The following TAPT1 variants were observed in gnomAD, a reference collection of about 807,000 sequenced individuals.
TAPT1 encodes transmembrane anterior posterior transformation 1.
TAPT1 carries 28 observed loss-of-function variants against 65.6 expected under a neutral mutation model. The observed-to-expected ratio is 0.43, with a 90% CI of 0.32 to 0.59. The LOEUF (loss-of-function observed/expected upper bound fraction) is 0.59. Among genes scored for constraint, TAPT1 ranks in the 20% least tolerant of loss-of-function variants. TAPT1 has a pLI of 0.09. For synonymous variants in TAPT1, 278 were observed against 245.2 expected, an observed-to-expected ratio of 1.13 and a Z score of -1.25; for missense variants, 563 against 679.9, an observed-to-expected ratio of 0.83 and a Z score of 1.91.
chr4:16,163,005 CA>C lies in TAPT1; in HGVS notation c.*302del, dbSNP rs1488593509. The C allele has an allele frequency of 2.0e-6, 1 of 497,546 alleles. No homozygotes were observed. Among genetic ancestry groups the C allele is most frequent in the Admixed American group, 2.3e-5 (1 of 43,784 alleles). 30.8% of individuals were successfully genotyped at this position (497,546 alleles called of 1,614,324 possible). On this transcript the variant is annotated 3_prime_UTR_variant, in exon 14 of 14. Transcript: ENST00000405303. ...ATTCTGGAAGCCCAGACTGACAAAGCAAAACAGATTTTGATGTTGCCTTTGT... is the reference window on the plus strand; with the variant it reads ...ATTCTGGAAGCCCAGACTGACAAAGCAAACAGATTTTGATGTTGCCTTTGT...
intron 1 of TAPT1, among the ~76,000 whole-genome samples, chr4:16,221,513 AT>A (rs1260146260): frequency 2.0e-5 from 3 of 152,204 alleles, no homozygotes; most frequent in Non-Finnish European, 2.9e-5. Context: ...CATAGTATAA[AT>A]TGCTTTTTCT....
intron 7 of TAPT1, among the ~76,000 whole-genome samples, chr4:16,181,082 T>A (rs1390239736): frequency 6.6e-6 from 1 of 152,222 alleles, no homozygotes. Flanking sequence ...TAAAGGAAAC[T>A]AAGAAAAGTC....
rs191948110 is a variant in TAPT1 at position 16,197,289 on chromosome 4, T to C, written c.449+5173A>G. Among the ~76,000 whole-genome samples, 11 of 152,362 alleles carry C rather than the reference T, an allele frequency of 7.2e-5. No individual in the cohort carries two copies. In the East Asian group the frequency reaches 2.1e-3, roughly 29 times the overall value. ...TTGCTCACACATATTTTAGTTGCTC[T>C]AATAGTAAAAAACAAAAACCAAAAA... On this transcript the variant is annotated intron_variant, in intron 3 of 13. Transcript: ENST00000405303.
At chr4:16,189,953 T>C (rs947871483) in intron 4 of TAPT1, 2 of 152,372 alleles carry the variant, frequency 1.3e-5, no homozygotes, top group African/African-American at 4.8e-5. Context: ...GAACAGGGAA[T>C]GAGGCCTAGG....
intron 9 of TAPT1, chr4:16,174,978 C>T (rs571771303): frequency 9.1e-5 from 27 of 297,548 alleles, no homozygotes; most frequent in East Asian, 8.4e-4. Flanking sequence ...AAATATCCAA[C>T]GACTATGATC....
In TAPT1 at chr4:16,186,835, AT is replaced by A. The variant is rs778544158; in HGVS notation, c.791del (p.Asn264MetfsTer2). ...ILIMVQATTL[N>X]VAFNSHNKSL... ...ACTTGTTGTGTGAGTTAAAAGCTAC[AT>A]TGAGAGTTGTTGCTTGAACCATTAT... On this transcript the variant is annotated frameshift_variant, in exon 6 of 14. Coordinates refer to ENST00000405303, the MANE Select transcript of TAPT1 (RefSeq NM_153365.3). LOFTEE classifies it high-confidence loss of function. The A allele has an allele frequency of 6.2e-7, 1 of 1,612,386 alleles. No individual in the cohort carries two copies. The highest frequency in any genetic ancestry group is 1.7e-5 in the Admixed American group (1 of 59,928).
At chr4:16,219,427 C>T (rs1487345518) in intron 1 of TAPT1, among the ~76,000 whole-genome samples, 1 of 152,154 alleles carries the variant, frequency 6.6e-6, no homozygotes, top group African/African-American at 2.4e-5. Flanking sequence ...AAGAGCAGGC[C>T]CCATGTATCC....
At chr4:16,211,036 A>C (rs187984154) in intron 2 of TAPT1, among the ~76,000 whole-genome samples, 3 of 144,408 alleles carry the variant, frequency 2.1e-5, no homozygotes, top group Non-Finnish European at 4.4e-5. Flanking sequence ...CAACACAAAA[A>C]TTGGGGTGTT....
intron 1 of TAPT1, among the ~76,000 whole-genome samples, chr4:16,225,323 T>TA (rs1193496583): frequency 6.6e-6 from 1 of 152,212 alleles, no homozygotes; most frequent in African/African-American, 2.4e-5. Context: ...CCTCACAACT[T>TA]AGTTATTTGC....
intron 11 of TAPT1, among the ~76,000 whole-genome samples, chr4:16,171,710 T>A (rs1748001681): frequency 6.6e-6 from 1 of 152,178 alleles, no homozygotes; most frequent in South Asian, 2.1e-4. Flanking sequence ...CTCTACAGGG[T>A]AATGTCTACT....
chr4:16,223,903 C>A (rs995539601), intron 1 of TAPT1, among the ~76,000 whole-genome samples: 1 of 151,968 alleles, frequency 6.6e-6, no homozygotes, highest in Non-Finnish European at 1.5e-5. Flanking sequence ...AAATGTCTTA[C>A]CTGTAGGAGC....
chr4:16,205,653 A>G (rs570198692), intron 2 of TAPT1, among the ~76,000 whole-genome samples: 1 of 152,080 alleles, frequency 6.6e-6, no homozygotes, highest in South Asian at 2.1e-4. Context: ...TGCAAGAGAT[A>G]GCAGAGATGT....
chr4:16,181,006 C>T (rs1748680182), intron 7 of TAPT1, among the ~76,000 whole-genome samples: 1 of 152,210 alleles, frequency 6.6e-6, no homozygotes, highest in South Asian at 2.1e-4. Flanking sequence ...TTTTCAGGTG[C>T]ACCTGTTTTG....
chr4:16,213,961 G>A, intron 1 of TAPT1, 63 bp from the exon 2 acceptor site: 2 of 1,444,702 alleles, frequency 1.4e-6, no homozygotes, highest in East Asian at 2.4e-5. Context: ...TTCCACGCTA[G>A]CTGGGGCCAC....
intron 6 of TAPT1, 36 bp from the exon 7 acceptor site, chr4:16,186,640 A>C: frequency 2.1e-6 from 3 of 1,457,600 alleles, no homozygotes; most frequent in Non-Finnish European, 2.8e-6. Context: ...CTTTATGATT[A>C]TAACAGTTTA....
intron 13 of TAPT1, among the ~76,000 whole-genome samples, chr4:16,164,766 C>T (rs1747475319): frequency 6.6e-6 from 1 of 152,054 alleles, no homozygotes; most frequent in South Asian, 2.1e-4. Flanking sequence ...AACAAGAGAA[C>T]ACGTACAGGC....
At chr4:16,196,530 A>C in intron 3 of TAPT1, 1 of 395,820 alleles carries the variant, frequency 2.5e-6, no homozygotes, top group East Asian at 7.2e-5. Flanking sequence ...TAAAAAGGAC[A>C]GGGATCCACA....
chr4:16,196,584 A>T, intron 3 of TAPT1: 1 of 721,704 alleles, frequency 1.4e-6, no homozygotes, highest in Non-Finnish European at 2.1e-6. Context: ...ATGTCTGCCT[A>T]TCCTGTTTAC....
chr4:16,226,179 G>A (rs1297653391), intron 1 of TAPT1, 80 bp downstream of exon 1: 5 of 1,065,612 alleles, frequency 4.7e-6, no homozygotes, highest in African/African-American at 3.4e-5. Context: ...TCGGGGGCCG[G>A]GGTTCCAAGG....
Sources: allele counts gnomAD v4.1 joint callset (sites outside exome capture counted in the v4.1 genomes callset), GRCh38; gene constraint gnomAD v4.1.1; transcripts MANE v1.5; gene names NCBI Gene and HGNC (gene_info 2026-07-23, HGNC 2026-07-21).